Variants in TNFRSF19 observed in about 807,000 individuals in gnomAD.
TNFRSF19 encodes the protein TNF receptor superfamily member 19.
In TNFRSF19, 27 loss-of-function variants were observed where a neutral mutation model predicts 46.4. The observed-to-expected ratio is 0.58, with a 90% CI of 0.43 to 0.80. TNFRSF19 has a LOEUF of 0.80. Among genes scored for constraint, TNFRSF19 ranks in the 30% least tolerant of loss-of-function variants. The probability of loss-of-function intolerance (pLI) is 0.00; values close to 1 mark genes in which losing one functional copy is unlikely to be tolerated. For synonymous variants in TNFRSF19, 204 were observed against 205.0 expected (o/e 1.00, Z 0.04); for missense variants, 511 against 530.8 (o/e 0.96, Z 0.37).
At chr13:23,652,817 T>C (rs1438777986) in intron 5 of TNFRSF19, among the ~76,000 whole-genome samples, 18 of 152,226 alleles carry the variant, frequency 1.2e-4, no homozygotes, top group Admixed American at 1.1e-3. Flanking sequence ...TTTTTCCTTT[T>C]ATTTCATAGA....
chr13:23,625,133 A>G (rs187146068), intron 4 of TNFRSF19, among the ~76,000 whole-genome samples: 1 of 152,254 alleles, frequency 6.6e-6, no homozygotes, highest in East Asian at 1.9e-4. Flanking sequence ...AAATGGAATT[A>G]TATGCATTCC....
At chr13:23,633,085 G>T (rs9510788) in intron 5 of TNFRSF19, among the ~76,000 whole-genome samples, 30,870 of 150,556 alleles carry the variant, frequency 0.21, 3,813 homozygotes, top group East Asian at 0.3. Context: ...GGGGTGCAGG[G>T]ATGATCAAAT....
intron 9 of TNFRSF19, among the ~76,000 whole-genome samples, chr13:23,670,252 T>TG (rs1311614466): frequency 6.6e-6 from 1 of 152,230 alleles, no homozygotes; most frequent in Admixed American, 6.5e-5. Flanking sequence ...CAGAGCTCAG[T>TG]GGAGCAATCA....
At chr13:23,638,926 G>A (rs1766635425) in intron 5 of TNFRSF19, among the ~76,000 whole-genome samples, 1 of 152,152 alleles carries the variant, frequency 6.6e-6, no homozygotes, top group Non-Finnish European at 1.5e-5. Context: ...TAATACACAT[G>A]CACATCATAG....
In TNFRSF19 at chr13:23,595,402, G is replaced by A. The variant is rs537046736; in HGVS notation, c.180+1947G>A. Among the ~76,000 whole-genome samples the A allele has an allele frequency of 2.6e-4, 40 of 152,294 alleles. No individual in the cohort carries two copies. In the South Asian group the frequency reaches 7.2e-3, roughly 28 times the overall value. On this transcript the variant is annotated intron_variant, in intron 3 of 9. Coordinates refer to ENST00000248484, the MANE Select transcript of TNFRSF19 (RefSeq NM_148957.4). Reference sequence around the variant, plus strand: ...ATTGCTGACTAGAATAACCAGTTTAGAGAAGAACATAAATGACCTGATGGA... The same window carrying A: ...ATTGCTGACTAGAATAACCAGTTTAAAGAAGAACATAAATGACCTGATGGA...
In TNFRSF19 at chr13:23,668,024, AG is replaced by A; in HGVS notation, c.782del (p.Ser261ThrfsTer50). On this transcript the variant is annotated frameshift_variant, in exon 8 of 10. Coordinates refer to ENST00000248484, the MANE Select transcript of TNFRSF19 (RefSeq NM_148957.4). LOFTEE classifies it high-confidence loss of function. ...ATCCATGTGCTGTGAGGAGGCCTGC[AG>A]CCCCAACCCGGCGACTCTTGGTTGT... ...LPSMCCEEAC[S>X]PNPATLGCGV... 3 of 1,610,698 alleles carry A rather than the reference AG, an allele frequency of 1.9e-6. No individual in the cohort carries two copies. Among genetic ancestry groups the A allele is most frequent in the Non-Finnish European group, 2.5e-6 (3 of 1,178,694 alleles).
intron 5 of TNFRSF19, among the ~76,000 whole-genome samples, chr13:23,653,239 C>A (rs1372874040): frequency 1.3e-5 from 2 of 152,182 alleles, no homozygotes; most frequent in African/African-American, 4.8e-5. Context: ...AACCCACACC[C>A]CTTCTGCCCA....
chr13:23,570,993 T>A (rs557164639), intron 1 of TNFRSF19, 145 bp downstream of exon 1: 2 of 152,360 alleles, frequency 1.3e-5, no homozygotes, highest in African/African-American at 4.8e-5. Flanking sequence ...GAATACTACA[T>A]GATGCTGAAT....
chr13:23,621,475 C>T (rs1268010627), intron 4 of TNFRSF19, among the ~76,000 whole-genome samples: 1 of 152,186 alleles, frequency 6.6e-6, no homozygotes, highest in African/African-American at 2.4e-5. Flanking sequence ...CCTGACTTGA[C>T]TGTGACTCAC....
chr13:23,650,016 T>G (rs1000377270), intron 5 of TNFRSF19, among the ~76,000 whole-genome samples: 7 of 152,160 alleles, frequency 4.6e-5, no homozygotes, highest in Non-Finnish European at 1.0e-4. Context: ...GAAGAGAATG[T>G]GTATTCTGAT....
intron 7 of TNFRSF19, among the ~76,000 whole-genome samples, chr13:23,666,338 A>G (rs1204805557): frequency 1.3e-5 from 2 of 152,212 alleles, no homozygotes; most frequent in Non-Finnish European, 2.9e-5. Flanking sequence ...ATGGTTAACA[A>G]ATGCTGGCTT....
chr13:23,576,137 T>C (rs1306886802), intron 1 of TNFRSF19, among the ~76,000 whole-genome samples: 3 of 132,794 alleles, frequency 2.3e-5, no homozygotes, highest in Non-Finnish European at 4.9e-5. Flanking sequence ...CACAGAATTC[T>C]TTTTTTTTTT....
chr13:23,632,740 G>A (rs1882427679), intron 5 of TNFRSF19, among the ~76,000 whole-genome samples: 1 of 152,158 alleles, frequency 6.6e-6, no homozygotes, highest in African/African-American at 2.4e-5. Flanking sequence ...TCTATCAAGA[G>A]GACACCTTTA....
intron 1 of TNFRSF19, among the ~76,000 whole-genome samples, chr13:23,582,446 T>A (rs1177398982): frequency 6.6e-6 from 1 of 152,110 alleles, no homozygotes; most frequent in Non-Finnish European, 1.5e-5. Context: ...CATATGTGAA[T>A]TACCCCGATT....
chr13:23,667,137 ATATG>A (rs66935469), intron 7 of TNFRSF19, among the ~76,000 whole-genome samples: 8,360 of 71,080 alleles, frequency 0.12, 332 homozygotes, highest in African/African-American at 0.2. Context: ...ATATATATAT[ATATG>A]TATGTATAGA....
At position 23,587,572 on chromosome 13, in the gene TNFRSF19, C is replaced by G. The variant is rs538504492; in HGVS notation, c.-34-2578C>G. On this transcript the variant is annotated intron_variant, in intron 1 of 9. Coordinates refer to ENST00000248484, the MANE Select transcript of TNFRSF19 (RefSeq NM_148957.4). Reference sequence around the variant, plus strand: ...AAATGTATTATTGCATTATGTGTCTCTCATCAGTTTTGTTGAGGTAGCCAT... The same window carrying G: ...AAATGTATTATTGCATTATGTGTCTGTCATCAGTTTTGTTGAGGTAGCCAT... Among the ~76,000 whole-genome samples the G allele has an allele frequency of 8.1e-3, 1,232 of 151,942 alleles. 8 individuals are homozygous for G. The highest frequency in any genetic ancestry group is 0.014 in the Non-Finnish European group (937 of 67,946).
intron 1 of TNFRSF19, among the ~76,000 whole-genome samples, chr13:23,583,741 C>A (rs894422580): frequency 4.6e-5 from 7 of 152,152 alleles, no homozygotes; most frequent in African/African-American, 1.7e-4. Context: ...TGGAATGTAT[C>A]CAGACTTCCT....
At chr13:23,650,651 G>A (rs1414668350) in intron 5 of TNFRSF19, among the ~76,000 whole-genome samples, 1 of 152,154 alleles carries the variant, frequency 6.6e-6, no homozygotes, top group Non-Finnish European at 1.5e-5. Context: ...AGATAAGAAT[G>A]TTCTAGAATT....
chr13:23,578,765 C>T (rs1333606825), intron 1 of TNFRSF19, among the ~76,000 whole-genome samples: 2 of 152,276 alleles, frequency 1.3e-5, no homozygotes, highest in East Asian at 1.9e-4. Flanking sequence ...AGTCCCCGGC[C>T]CTGGCCCCGC....
Sources: allele counts gnomAD v4.1 joint callset (sites outside exome capture counted in the v4.1 genomes callset), GRCh38; gene constraint gnomAD v4.1.1; transcripts MANE v1.5; gene names NCBI Gene and HGNC (gene_info 2026-07-23, HGNC 2026-07-21).